Variants in MRTFB observed in about 807,000 individuals in gnomAD.
MRTFB encodes the protein myocardin related transcription factor B.
Under a neutral mutation model 104.2 loss-of-function variants are expected in MRTFB, and 29 were observed. The observed-to-expected ratio is 0.28, with a 90% CI of 0.21 to 0.38. The LOEUF (loss-of-function observed/expected upper bound fraction) is 0.38. Among genes scored for constraint, MRTFB ranks in the 10% least tolerant of loss-of-function variants. The probability of loss-of-function intolerance (pLI) is 1.00; values close to 1 mark genes in which losing one functional copy is unlikely to be tolerated. For synonymous variants in MRTFB, 535 were observed against 519.5 expected, an observed-to-expected ratio of 1.03 and a Z score of -0.41; for missense variants, 1,270 against 1,341.6, an observed-to-expected ratio of 0.95 and a Z score of 0.83.
chr16:14,245,189 C>CCCT (rs1177442769), intron 10 of MRTFB, among the ~76,000 whole-genome samples: 1 of 152,182 alleles, frequency 6.6e-6, no homozygotes, highest in African/African-American at 2.4e-5. Context: ...GTTGTTCTGT[C>CCCT]CCTGTATCAG....
Position 14,218,979 on chromosome 16 carries a change from C to T in MRTFB, c.674C>T (p.Thr225Ile). Reference sequence around the variant, plus strand: ...GTTAGTGAATCGCCATCTCCTGTGACTACAAACACTCCAGCGCAGGTATTA... The same window carrying T: ...GTTAGTGAATCGCCATCTCCTGTGATTACAAACACTCCAGCGCAGGTATTA... ...PKVSESPSPV[T>I]TNTPAQFASV... The change falls in exon 8 of 17, where the codon ACT becomes ATT. Residue 225 changes from threonine to isoleucine, a missense_variant. Around this residue, in one of 3 missense-constraint regions of MRTFB, gnomAD observed 1,144 missense variants for 1,131.5 expected, o/e 1.01. Transcript: ENST00000571589. 6.2e-7 allele frequency: 1 copy of T among 1,613,834 alleles called. No individual in the cohort carries two copies. Among genetic ancestry groups the T allele is most frequent in the Admixed American group, 1.7e-5 (1 of 59,986 alleles).
chr16:14,213,292 C>T (rs9927591), intron 5 of MRTFB, among the ~76,000 whole-genome samples: 8,003 of 152,132 alleles, frequency 0.053, 659 homozygotes, highest in African/African-American at 0.17. Context: ...CACGACCTTT[C>T]GATGTTCATA....
intron 3 of MRTFB, among the ~76,000 whole-genome samples, chr16:14,180,162 C>G (rs534938886): frequency 2.0e-5 from 3 of 152,296 alleles, no homozygotes; most frequent in African/African-American, 7.2e-5. Context: ...GTTAAAAGCT[C>G]TAGACCATAT....
intron 8 of MRTFB, among the ~76,000 whole-genome samples, chr16:14,228,065 T>C (rs1043973894): frequency 6.6e-6 from 1 of 151,754 alleles, no homozygotes; most frequent in Non-Finnish European, 1.5e-5. Context: ...ATTAAGGAAA[T>C]GCTAATCAAA....
chr16:14,103,093 G>A (rs1227238615), intron 2 of MRTFB, among the ~76,000 whole-genome samples: 2 of 152,076 alleles, frequency 1.3e-5, no homozygotes, highest in African/African-American at 4.8e-5. Flanking sequence ...GCTGATCCTT[G>A]GCCAGTTGTG....
chr16:14,062,011 G>A, the MRTFB span, among the ~76,000 whole-genome samples: 1 of 152,210 alleles, frequency 6.6e-6, no homozygotes, highest in Non-Finnish European at 1.5e-5. Context: ...AGGGAAGAGA[G>A]TGGCCAGGGC....
chr16:14,220,521 T>C (rs2041645829), intron 8 of MRTFB, among the ~76,000 whole-genome samples: 2 of 152,190 alleles, frequency 1.3e-5, no homozygotes, highest in African/African-American at 4.8e-5. Flanking sequence ...TAAAACGTGG[T>C]CTCCAGCTAA....
chr16:14,243,895 T>C (rs566023219), intron 10 of MRTFB, among the ~76,000 whole-genome samples: 7 of 143,936 alleles, frequency 4.9e-5, no homozygotes, highest in Non-Finnish European at 9.0e-5. Context: ...AGTCTCACTC[T>C]GTCGCCCAGG....
At chr16:14,097,014 T>C (rs909987810) in intron 2 of MRTFB, among the ~76,000 whole-genome samples, 1 of 152,376 alleles carries the variant, frequency 6.6e-6, no homozygotes, top group African/African-American at 2.4e-5. Flanking sequence ...TAGCATTTAT[T>C]ATCTTAACTT....
At chr16:14,012,197 A>C in the MRTFB span, among the ~76,000 whole-genome samples, 2 of 149,838 alleles carry the variant, frequency 1.3e-5, no homozygotes, top group African/African-American at 4.9e-5. Flanking sequence ...ACTACAGGGC[A>C]GGCAACGACC....
At chr16:14,064,034 T>C in the MRTFB span, among the ~76,000 whole-genome samples, 2 of 152,204 alleles carry the variant, frequency 1.3e-5, no homozygotes, top group African/African-American at 4.8e-5. Context: ...TGTTTTAAGT[T>C]CATTGAGAAA....
chr16:14,146,289 A>C (rs958193674), intron 3 of MRTFB, among the ~76,000 whole-genome samples: 1 of 152,194 alleles, frequency 6.6e-6, no homozygotes, highest in Admixed American at 6.5e-5. Context: ...AACTCTGTTC[A>C]CTATGAAGTA....
chr16:14,161,652 T>G (rs181272906), intron 3 of MRTFB, among the ~76,000 whole-genome samples: 39 of 152,264 alleles, frequency 2.6e-4, no homozygotes, highest in Admixed American at 2.2e-3. Context: ...GAAAATCAAC[T>G]CGTCCAGTAA....
chr16:14,174,821 C>T (rs2039530071), intron 3 of MRTFB, among the ~76,000 whole-genome samples: 1 of 152,180 alleles, frequency 6.6e-6, no homozygotes. Context: ...ATGGTATAGG[C>T]TTGTCAGTCA....
intron 3 of MRTFB, chr16:14,200,215 A>G (rs2040621741): frequency 2.5e-6 from 3 of 1,194,538 alleles, no homozygotes; most frequent in Non-Finnish European, 3.5e-6. Context: ...ATAGCAAAAA[A>G]CCTGGTAGCT....
chr16:13,996,768 T>G, the MRTFB span, among the ~76,000 whole-genome samples: 4 of 152,222 alleles, frequency 2.6e-5, no homozygotes, highest in African/African-American at 9.6e-5. Flanking sequence ...GGATGAAGAC[T>G]AGGCATACTT....
intron 1 of MRTFB, among the ~76,000 whole-genome samples, chr16:14,077,339 G>A (rs983210451): frequency 1.3e-5 from 2 of 152,090 alleles, no homozygotes; most frequent in African/African-American, 2.4e-5. Flanking sequence ...TATCTTTACC[G>A]ATTTGTTTCA....
intron 2 of MRTFB, among the ~76,000 whole-genome samples, chr16:14,100,080 C>T (rs534231656): frequency 4.6e-5 from 7 of 152,208 alleles, no homozygotes; most frequent in Admixed American, 3.9e-4. Context: ...AATCTGAGTG[C>T]CTGTTACTTA....
chr16:14,042,791 G>A, the MRTFB span, among the ~76,000 whole-genome samples: 1 of 152,174 alleles, frequency 6.6e-6, no homozygotes, highest in Non-Finnish European at 1.5e-5. Flanking sequence ...TCTTGGACCC[G>A]TAGGCCAAGC....
Sources: allele counts gnomAD v4.1 joint callset (sites outside exome capture counted in the v4.1 genomes callset), GRCh38; gene constraint gnomAD v4.1.1; regional missense constraint gnomAD v4.1.1; transcripts MANE v1.5; gene names NCBI Gene and HGNC (gene_info 2026-07-23, HGNC 2026-07-21).